CTNS: variants seen among roughly 807,000 people sequenced by gnomAD.
CTNS encodes cystinosin.
Under a neutral mutation model 43.7 loss-of-function variants are expected in CTNS, and 27 were observed. The observed-to-expected ratio is 0.62, with a 90% CI of 0.46 to 0.85. The LOEUF is 0.85. CTNS is among the 40% of genes least tolerant of loss of function. CTNS has a pLI of 0.00. For missense variants in CTNS, 457 were observed against 475.4 expected (o/e 0.96, Z 0.36); for synonymous variants, 187 against 190.6 (o/e 0.98, Z 0.16).
chr17:3,660,562 C>T lies in CTNS; in HGVS notation c.*193C>T. The stretch of plus-strand genomic sequence containing the variant: ...CTTCGTCCGGGCCCCTCCTGGGCCT[C>T]CCCGGCCAGGCACGTGGCACCGTCG... On this transcript the variant is annotated 3_prime_UTR_variant, in exon 12 of 12. Coordinates refer to ENST00000046640, the MANE Select transcript of CTNS (RefSeq NM_004937.3). The T allele has an allele frequency of 6.2e-7, 1 of 1,613,060 alleles. No homozygotes were observed. The highest frequency in any genetic ancestry group is 8.5e-7 in the Non-Finnish European group (1 of 1,180,000).
chr17:3,645,876 A>C (rs1038120051), intron 3 of CTNS, among the ~76,000 whole-genome samples: 66 of 151,892 alleles, frequency 4.3e-4, no homozygotes, highest in Non-Finnish European at 4.9e-4. Context: ...AAAAAAAAAA[A>C]AAAGTTTCCT....
chr17:3,660,677 G>A lies in CTNS; in HGVS notation c.*308G>A, dbSNP rs1179890100. The A allele has an allele frequency of 6.2e-7, 1 of 1,613,512 alleles. No homozygotes were observed. Among genetic ancestry groups the A allele is most frequent in the Non-Finnish European group, 8.5e-7 (1 of 1,179,946 alleles). ...TCAGGCAGGACTGGGCACCAAGCTT[G>A]CAGCCGAAGGCCTTGCCCCAAACTA... On this transcript the variant is annotated 3_prime_UTR_variant, in exon 12 of 12. Coordinates refer to ENST00000046640, the MANE Select transcript of CTNS (RefSeq NM_004937.3).
chr17:3,648,050 C>T (rs1207923836), intron 4 of CTNS, among the ~76,000 whole-genome samples: 2 of 152,316 alleles, frequency 1.3e-5, no homozygotes. Flanking sequence ...GGGAGGCTGC[C>T]TCTGCCTTCT....
intron 2 of CTNS, among the ~76,000 whole-genome samples, chr17:3,638,798 G>A (rs938086865): frequency 5.3e-5 from 8 of 152,188 alleles, no homozygotes; most frequent in African/African-American, 1.9e-4. Flanking sequence ...AGAGTGAGAG[G>A]GAGGCCTGTG....
Position 3,647,490 on chromosome 17 carries a change from C to T in CTNS, c.108C>T (p.Asn36=), listed in dbSNP as rs117404824. The T allele has an allele frequency of 8.0e-3, 12,928 of 1,614,108 alleles. 116 individuals are homozygous for T. Among genetic ancestry groups the T allele is most frequent in the Non-Finnish European group, 9.2e-3 (10,895 of 1,180,010 alleles). Residue 36 remains asparagine (N), a synonymous_variant, in exon 4 of 12, where the codon AAC becomes AAT. Transcript: ENST00000046640. The part of the protein sequence containing the change: ...LTVPPVVKLE[N]GSSTNVSLTL... ...TTCCTCCTGTCGTAAAGCTGGAGAA[C>T]GGCAGCTCGACCAACGTCAGCCTCA...
intron 9 of CTNS, 183 bp from the exon 10 acceptor site, chr17:3,657,822 T>C: frequency 1.5e-6 from 1 of 646,824 alleles, no homozygotes; most frequent in South Asian, 1.8e-5. Flanking sequence ...GTGTGATGCT[T>C]TCTGTGGTCC....
intron 2 of CTNS, among the ~76,000 whole-genome samples, chr17:3,639,841 T>A (rs2075640505): frequency 6.6e-6 from 1 of 152,162 alleles, no homozygotes; most frequent in Admixed American, 6.5e-5. Context: ...TAACAACTTT[T>A]GGAGAAAAAG....
chr17:3,660,399 GGCCTCGT>G lies in CTNS; in HGVS notation c.*34_*40del. 6.2e-7 allele frequency: 1 copy of G among 1,614,114 alleles called. No homozygotes were observed. The highest frequency in any genetic ancestry group is 8.5e-7 in the Non-Finnish European group (1 of 1,180,042). On this transcript the variant is annotated 3_prime_UTR_variant, in exon 12 of 12. Coordinates refer to ENST00000046640, the MANE Select transcript of CTNS (RefSeq NM_004937.3). Reference sequence around the variant, plus strand: ...CAGGGACCCAGTGTACCCAGCCTCTGGCCTCGTGCCCTGCTGGGGAAGGCCTCACCCA... The same window carrying G: ...CAGGGACCCAGTGTACCCAGCCTCTGGCCCTGCTGGGGAAGGCCTCACCCA...
intron 7 of CTNS, among the ~76,000 whole-genome samples, chr17:3,656,203 G>A (rs1345077705): frequency 4.8e-5 from 3 of 62,742 alleles, no homozygotes; most frequent in African/African-American, 1.7e-4. Flanking sequence ...CTCCACCCCC[G>A]CCAGTCCTTA....
intron 3 of CTNS, among the ~76,000 whole-genome samples, chr17:3,645,055 G>A (rs1336441545): frequency 6.6e-6 from 1 of 152,206 alleles, no homozygotes; most frequent in African/African-American, 2.4e-5. Context: ...GCAGTGGCTG[G>A]TTGTGGGACT....
chr17:3,637,945 G>C (rs553033011), intron 2 of CTNS, among the ~76,000 whole-genome samples: 1 of 152,270 alleles, frequency 6.6e-6, no homozygotes, highest in African/African-American at 2.4e-5. Flanking sequence ...CTCTCCAAAA[G>C]CAGGAGACCC....
chr17:3,648,439 C>T (rs895819715), intron 4 of CTNS, among the ~76,000 whole-genome samples: 4 of 152,246 alleles, frequency 2.6e-5, no homozygotes, highest in African/African-American at 9.6e-5. Context: ...CCCAGCTTTC[C>T]AAGTCCGGAC....
At chr17:3,658,294 G>A (rs2076204088) in intron 10 of CTNS, 119 bp downstream of exon 10, 12 of 1,329,508 alleles carry the variant, frequency 9.0e-6, no homozygotes, top group Admixed American at 2.0e-5. Context: ...GAAAGCCACA[G>A]GGAGCCCGGG....
At chr17:3,641,384 A>ATATATATATATATATATATATATTT (rs1555558526) in intron 3 of CTNS, among the ~76,000 whole-genome samples, 1 of 31,202 alleles carries the variant, frequency 3.2e-5, no homozygotes. Flanking sequence ...ATATATATAT[A>ATATATATATATATATATATATATTT]TTTTTTTTTT....
chr17:3,656,210 C>T (rs1459141042), intron 7 of CTNS, among the ~76,000 whole-genome samples: 2 of 81,418 alleles, frequency 2.5e-5, no homozygotes, highest in African/African-American at 6.5e-5. Context: ...CCCGCCAGTC[C>T]TTACCCACTG....
At chr17:3,648,099 C>T (rs2075887898) in intron 4 of CTNS, among the ~76,000 whole-genome samples, 1 of 152,200 alleles carries the variant, frequency 6.6e-6, no homozygotes, top group Admixed American at 6.5e-5. Flanking sequence ...GCCTCCCAGC[C>T]GTGAGGATTC....
Position 3,660,905 on chromosome 17 carries a change from G to A in CTNS, c.*536G>A. ...AGGCCACTTTCCTGACGTACTCTCT[G>A]TACATAACTCAGCGTCCGTGACTGC... On this transcript the variant is annotated 3_prime_UTR_variant, in exon 12 of 12. Coordinates refer to ENST00000046640, the MANE Select transcript of CTNS (RefSeq NM_004937.3). 1 of 987,654 alleles carries A rather than the reference G, an allele frequency of 1.0e-6. No individual in the cohort carries two copies. The highest frequency in any genetic ancestry group is 1.5e-6 in the Non-Finnish European group (1 of 657,926). The allele number at this position is 987,654 out of a possible 1,614,324, so 61.2% of individuals were successfully genotyped here.
chr17:3,645,451 G>C lies in CTNS; in HGVS notation c.62-1993G>C, dbSNP rs540023158. On this transcript the variant is annotated intron_variant, in intron 3 of 11. Transcript: ENST00000046640. ...GGCTCTGGGTAGCAGAGCCTGGCCT[G>C]GCAGGGCAAGCTTCAGGCTGTGATC... Among the ~76,000 whole-genome samples the C allele has an allele frequency of 3.3e-5, 5 of 152,152 alleles. No individual in the cohort carries two copies. The South Asian group carries it at 8.3e-4, about 25-fold the overall frequency.
rs918220319 is a variant in CTNS, at chr17:3,642,701, GAAAGAAGAATGGAAGC to G, written c.61+2435_61+2450del. On this transcript the variant is annotated intron_variant, in intron 3 of 11. Transcript: ENST00000046640. ...ATTCCCCATCTCAAAAAGAAAAAAGGAAAGAAGAATGGAAGCCACCATAAAATCAAGTCACTGGAAT... is the reference window on the plus strand; with the variant it reads ...ATTCCCCATCTCAAAAAGAAAAAAGGCACCATAAAATCAAGTCACTGGAAT... Among the ~76,000 whole-genome samples the G allele has an allele frequency of 3.9e-5, 6 of 152,020 alleles. 1 individual carries two copies. In the South Asian group the frequency reaches 1.0e-3, roughly 26 times the overall value.
Sources: allele counts gnomAD v4.1 joint callset (sites outside exome capture counted in the v4.1 genomes callset), GRCh38; gene constraint gnomAD v4.1.1; transcripts MANE v1.5; gene names NCBI Gene and HGNC (gene_info 2026-07-23, HGNC 2026-07-21).